Variants in PAICS observed in about 807,000 individuals in gnomAD.
The protein encoded by PAICS is bifunctional phosphoribosylaminoimidazole carboxylase/phosphoribosylaminoimidazole succinocarboxamide synthetase.
A neutral mutation model predicts 53.7 loss-of-function variants in PAICS; 33 were observed. The observed-to-expected ratio is 0.61, with a 90% CI of 0.47 to 0.82. The LOEUF (loss-of-function observed/expected upper bound fraction) is 0.82. Among genes scored for constraint, PAICS ranks in the 40% least tolerant of loss-of-function variants. The probability of loss-of-function intolerance (pLI) is 0.00; values close to 1 mark genes in which losing one functional copy is unlikely to be tolerated. For missense variants in PAICS, 394 were observed against 494.1 expected, an observed-to-expected ratio of 0.80 and a Z score of 1.92; for synonymous variants, 141 against 167.2, an observed-to-expected ratio of 0.84 and a Z score of 1.21.
Position 56,464,289 on chromosome 4 carries a change from T to C in PAICS, c.*4751T>C, listed in dbSNP as rs1168665475. On this transcript the variant is annotated 3_prime_UTR_variant, in exon 9 of 9. Transcript: ENST00000512576. ...GCAAAGATGAACAAAATTAACCTTC[T>C]GCTCTCAATGAATCTTGGAAGTCTC... 1 of 152,210 alleles carries C rather than the reference T, an allele frequency of 6.6e-6. No individual in the cohort carries two copies. The highest frequency in any genetic ancestry group is 1.5e-5 in the Non-Finnish European group (1 of 68,054). The allele number at this position is 152,210 out of a possible 1,614,324, so 9.4% of individuals were successfully genotyped here.
chr4:56,453,568 T>G, intron 7 of PAICS, 35 bp from the exon 8 acceptor site: 1 of 1,427,670 alleles, frequency 7.0e-7, no homozygotes, highest in Non-Finnish European at 9.5e-7. Flanking sequence ...CTGTTTTGAA[T>G]GTTTAGCATA....
rs1169170580 is a variant in PAICS, at chr4:56,448,464, C to A, written c.440C>A (p.Ala147Asp). The change falls in exon 4 of 9, where the codon GCT (alanine) becomes GAT (aspartate). Residue 147 changes from alanine to aspartate, a missense_variant. Physicochemically the swap from Ala to Asp is moderately radical, Grantham distance 126. This residue lies in a region of PAICS where 168 missense variants were observed against 199.3 expected (regional missense o/e 0.84). Transcript: ENST00000512576. ...DPQWSEEQLI[A>D]AKFCFAGLLI... ...CAGTGGTCTGAGGAACAGCTGATTG[C>A]TGCAAAATTTTGCTTTGCTGGACTT... 1.2e-6 allele frequency: 2 copies of A among 1,611,760 alleles called. No individual in the cohort carries two copies. The highest frequency in any genetic ancestry group is 1.1e-5 in the South Asian group (1 of 90,794).
chr4:56,428,964 G>A, the PAICS span: 3 of 977,996 alleles, frequency 3.1e-6, no homozygotes, highest in Non-Finnish European at 3.6e-6. Context: ...CACAACAAAA[G>A]CCAAGGAACT....
chr4:56,432,166 A>G (rs1256664957), upstream of PAICS, among the ~76,000 whole-genome samples: 1 of 152,204 alleles, frequency 6.6e-6, no homozygotes, highest in Non-Finnish European at 1.5e-5. Flanking sequence ...ATTATACCCA[A>G]GACAAAAAAC....
intron 1 of PAICS, among the ~76,000 whole-genome samples, chr4:56,439,267 C>T (rs1043362009): frequency 2.0e-5 from 3 of 152,120 alleles, no homozygotes; most frequent in Non-Finnish European, 2.9e-5. Flanking sequence ...GACGGAGTCT[C>T]CCTCTCTTGC....
At chr4:56,451,613 ATT>A (rs1314006377) in intron 6 of PAICS, among the ~76,000 whole-genome samples, 3 of 152,214 alleles carry the variant, frequency 2.0e-5, no homozygotes, top group Non-Finnish European at 4.4e-5. Context: ...AAATTAAAAG[ATT>A]TTGAGTATCT....
chr4:56,444,924 A>G (rs993855396), intron 2 of PAICS, among the ~76,000 whole-genome samples: 3 of 152,176 alleles, frequency 2.0e-5, no homozygotes, highest in African/African-American at 7.2e-5. Flanking sequence ...AAGAGAGAAG[A>G]GCTCTTGAAA....
chr4:56,443,457 G>A (rs1351113020), intron 2 of PAICS, among the ~76,000 whole-genome samples: 1 of 151,516 alleles, frequency 6.6e-6, no homozygotes, highest in African/African-American at 2.4e-5. Context: ...CAAAGTGCTG[G>A]GATTACAGGC....
intron 1 of PAICS, among the ~76,000 whole-genome samples, chr4:56,440,511 C>T (rs1053801253): frequency 6.6e-6 from 1 of 152,196 alleles, no homozygotes; most frequent in Non-Finnish European, 1.5e-5. Flanking sequence ...TGCCCAACAG[C>T]AATGTACATA....
At chr4:56,414,927 C>T in the PAICS span, among the ~76,000 whole-genome samples, 28 of 152,308 alleles carry the variant, frequency 1.8e-4, no homozygotes, top group Admixed American at 1.8e-3. Flanking sequence ...AAATTTTTGA[C>T]AATTTTTACC....
At chr4:56,410,687 CAG>C in the PAICS span, 9 of 986,060 alleles carry the variant, frequency 9.1e-6, no homozygotes, top group Non-Finnish European at 9.7e-6. Flanking sequence ...AGACTGGAAA[CAG>C]TGCTGGGCTA....
intron 2 of PAICS, among the ~76,000 whole-genome samples, chr4:56,443,711 C>G (rs1185425046): frequency 6.6e-6 from 1 of 152,120 alleles, no homozygotes; most frequent in Non-Finnish European, 1.5e-5. Context: ...TACACTCATC[C>G]CATTATCCAT....
At chr4:56,414,139 A>G in the PAICS span, 14 of 152,210 alleles carry the variant, frequency 9.2e-5, no homozygotes, top group Non-Finnish European at 2.1e-4. Context: ...TAAGGTAATC[A>G]AAGTTTTCTC....
At position 56,449,397 on chromosome 4, in the gene PAICS, G is replaced by C. The variant is rs1019686722; in HGVS notation, c.687+574G>C. On this transcript the variant is annotated intron_variant, in intron 5 of 8. Transcript: ENST00000512576. Reference sequence around the variant, plus strand: ...TGCTGGAGAGGCTATGAAGAAATAGGAACGCTTTTACACTGTTGGTGGGAA... The same window carrying C: ...TGCTGGAGAGGCTATGAAGAAATAGCAACGCTTTTACACTGTTGGTGGGAA... Among the ~76,000 whole-genome samples the C allele has an allele frequency of 2.0e-5, 3 of 152,182 alleles. No individual in the cohort carries two copies. The East Asian group carries it at 5.8e-4, about 29-fold the overall frequency.
the PAICS span, among the ~76,000 whole-genome samples, chr4:56,427,115 G>GTT: frequency 1.3e-5 from 2 of 152,098 alleles, no homozygotes; most frequent in African/African-American, 4.8e-5. Context: ...ACACCATTTT[G>GTT]TTTATTCATC....
At chr4:56,436,371 C>A in intron 1 of PAICS, 43 bp downstream of exon 1, 3 of 1,446,328 alleles carry the variant, frequency 2.1e-6, no homozygotes, top group Non-Finnish European at 2.9e-6. Flanking sequence ...TCCCTGACCC[C>A]CAGGCCGTGA....
chr4:56,440,871 C>T (rs912666660), intron 1 of PAICS, among the ~76,000 whole-genome samples: 3 of 152,184 alleles, frequency 2.0e-5, no homozygotes, highest in Non-Finnish European at 2.9e-5. Flanking sequence ...GGGTTGATTT[C>T]TCTCTTTCGA....
At chr4:56,459,240 TTTAGA>T in intron 8 of PAICS, 127 bp from the exon 9 acceptor site, 1 of 529,380 alleles carries the variant, frequency 1.9e-6, no homozygotes, top group Non-Finnish European at 3.3e-6. Flanking sequence ...CAGATTCTAC[TTTAGA>T]TTAGAATAAT....
At chr4:56,446,378 GT>G (rs1560660045) in intron 2 of PAICS, 1 of 717,732 alleles carries the variant, frequency 1.4e-6, no homozygotes, top group African/African-American at 1.7e-5. Context: ...AAGTCAAATC[GT>G]AAGTATTTGT....
Sources: gnomAD v4.1 joint callset for allele counts (sites outside exome capture counted in the v4.1 genomes callset) on GRCh38, gnomAD v4.1.1 for gene constraint, gnomAD v4.1.1 regional missense constraint, MANE v1.5 for transcripts, NCBI Gene and HGNC (gene_info 2026-07-23, HGNC 2026-07-21) for gene names.